PCDHGB2: variants seen among roughly 807,000 people sequenced by gnomAD.
PCDHGB2 encodes protocadherin gamma-B2.
A neutral mutation model predicts 59.3 loss-of-function variants in PCDHGB2; 55 were observed. The ratio of observed to expected loss-of-function variants is 0.93; its 90% CI spans 0.75 to 1.16. PCDHGB2 has a LOEUF of 1.16. Ranked by LOEUF, PCDHGB2 falls within the 50% of genes most tolerant of loss-of-function variation. The pLI, the probability that PCDHGB2 is intolerant of heterozygous loss-of-function variation, is 0.00. For missense variants in PCDHGB2, 1,228 were observed against 1,198.5 expected (o/e 1.02, Z -0.36); for synonymous variants, 516 against 512.0 (o/e 1.01, Z -0.11).
Position 141,360,800 on chromosome 5 carries a change from A to G in PCDHGB2, c.665A>G (p.Gln222Arg). ...GCTGTGGATGGCGGAGACCCACCTC[A>G]AAGTGGCACGACCCAAATCCGAATC... is the stretch of plus-strand genomic sequence containing the variant. ...LTAVDGGDPP[Q>R]SGTTQIRIKV... The change falls in exon 1 of 4, where the codon CAA (glutamine) becomes CGA (arginine). Residue 222 changes from glutamine (Q) to arginine (R), a missense_variant. Gln to Arg is a conservative substitution (Grantham distance 43). Coordinates refer to ENST00000522605, the MANE Select transcript of PCDHGB2 (RefSeq NM_018923.3). The G allele has an allele frequency of 6.2e-7, 1 of 1,613,960 alleles. No homozygotes were observed.
At chr5:141,419,239 C>A in intron 1 of PCDHGB2, 3 of 1,614,008 alleles carry the variant, frequency 1.9e-6, no homozygotes, top group Non-Finnish European at 2.5e-6. Flanking sequence ...ACCTGGTCCA[C>A]GTGCCAGAAA....
chr5:141,394,177 C>T (rs2092934633), intron 1 of PCDHGB2: 1 of 1,613,912 alleles, frequency 6.2e-7, no homozygotes, highest in East Asian at 2.2e-5. Context: ...TTCCCTCATG[C>T]CTCCTACTCA....
At chr5:141,380,342 T>C (rs1288076589) in intron 1 of PCDHGB2, among the ~76,000 whole-genome samples, 1 of 152,198 alleles carries the variant, frequency 6.6e-6, no homozygotes, top group Admixed American at 6.5e-5. Context: ...CAAAGAACTG[T>C]TTTGTTGTTT....
chr5:141,360,838 G>A lies in PCDHGB2; in HGVS notation c.703G>A (p.Ala235Thr), dbSNP rs776801696. 2 of 1,614,002 alleles carry A rather than the reference G, an allele frequency of 1.2e-6. No homozygotes were observed. The highest frequency in any genetic ancestry group is 1.7e-5 in the Admixed American group (1 of 60,028). ...TTQIRIKVTDANDNPPVFSQD... is the reference protein window; with the variant it reads ...TTQIRIKVTDTNDNPPVFSQD... Reference sequence around the variant, plus strand: ...CCAAATCCGAATCAAAGTCACGGATGCCAACGATAACCCTCCAGTGTTCAG... The same window carrying A: ...CCAAATCCGAATCAAAGTCACGGATACCAACGATAACCCTCCAGTGTTCAG... Residue 235 changes from alanine to threonine, a missense_variant, in exon 1 of 4, where the codon GCC becomes ACC. This residue lies in a region of PCDHGB2 where 781 missense variants were observed against 721.6 expected (regional missense o/e 1.08). Transcript: ENST00000522605.
At position 141,431,423 on chromosome 5, in the gene PCDHGB2, C is replaced by T; in HGVS notation, c.2422-63384C>T. The T allele has an allele frequency of 3.1e-6, 5 of 1,613,670 alleles. No individual in the cohort carries two copies. Among genetic ancestry groups the T allele is most frequent in the Non-Finnish European group, 4.2e-6 (5 of 1,180,030 alleles). ...GGCCTCCGACGGGGGCGACCCGGTG[C>T]GCACAGGCACCGCGCGCATCCGCGT... On this transcript the variant is annotated intron_variant, in intron 1 of 3. Coordinates refer to ENST00000522605, the MANE Select transcript of PCDHGB2 (RefSeq NM_018923.3). This position sits in a 1 kb window ranked among gnomAD's most constrained non-coding sequence, Gnocchi z 4.8.
chr5:141,377,014 G>T (rs1457623527), intron 1 of PCDHGB2: 1 of 155,140 alleles, frequency 6.4e-6, no homozygotes, highest in African/African-American at 2.4e-5. Flanking sequence ...TGGTTGACAG[G>T]AAAATTCAAG....
At chr5:141,410,487 A>G in intron 1 of PCDHGB2, 1 of 1,613,970 alleles carries the variant, frequency 6.2e-7, no homozygotes, top group Non-Finnish European at 8.5e-7. Context: ...ACGGGTACAA[A>G]AGAGTTTAAT....
intron 1 of PCDHGB2, chr5:141,408,402 G>A: frequency 1.2e-6 from 2 of 1,614,052 alleles, no homozygotes; most frequent in Non-Finnish European, 1.7e-6. Context: ...CGCAAGCTGC[G>A]AGTGAGCGCG....
chr5:141,486,637 G>T lies in PCDHGB2; in HGVS notation c.2422-8170G>T. On this transcript the variant is annotated intron_variant, in intron 1 of 3. Coordinates refer to ENST00000522605, the MANE Select transcript of PCDHGB2 (RefSeq NM_018923.3). This position sits in a 1 kb window ranked among gnomAD's most constrained non-coding sequence, Gnocchi z 5.0. ...CTGACCCAGACTCTGGCTTGAATGCGCTTATCTCCTACTCACTCCTGGAGC... is the reference window on the plus strand; with the variant it reads ...CTGACCCAGACTCTGGCTTGAATGCTCTTATCTCCTACTCACTCCTGGAGC... 6.2e-7 allele frequency: 1 copy of T among 1,613,638 alleles called. No homozygotes were observed. The highest frequency in any genetic ancestry group is 8.5e-7 in the Non-Finnish European group (1 of 1,180,034).
intron 1 of PCDHGB2, among the ~76,000 whole-genome samples, chr5:141,450,666 T>G (rs1434496607): frequency 6.6e-6 from 1 of 151,890 alleles, no homozygotes; most frequent in African/African-American, 2.4e-5. Context: ...TTTGTACTTT[T>G]AGTAGAAACG....
intron 1 of PCDHGB2, chr5:141,441,126 C>T (rs1319809408): frequency 6.6e-6 from 1 of 152,062 alleles, no homozygotes; most frequent in Non-Finnish European, 1.5e-5. Context: ...CAGTTGAGAC[C>T]GAATTTCTAG....
chr5:141,486,137 G>A lies in PCDHGB2; in HGVS notation c.2422-8670G>A, dbSNP rs1187526031. 1 of 1,614,074 alleles carries A rather than the reference G, an allele frequency of 6.2e-7. No individual in the cohort carries two copies. On this transcript the variant is annotated intron_variant, in intron 1 of 3. Coordinates refer to ENST00000522605, the MANE Select transcript of PCDHGB2 (RefSeq NM_018923.3). The surrounding 1 kb of genome is among the most constrained non-coding windows in gnomAD (Gnocchi z 5.0). ...GAATTACTATGAATTTGATGTGCGGGCTCGCGATGGGGGTTCTCCAGCCAT... is the reference window on the plus strand; with the variant it reads ...GAATTACTATGAATTTGATGTGCGGACTCGCGATGGGGGTTCTCCAGCCAT...
At chr5:141,394,188 G>A (rs772537455) in intron 1 of PCDHGB2, 1 of 1,613,828 alleles carries the variant, frequency 6.2e-7, no homozygotes, top group Non-Finnish European at 8.5e-7. Flanking sequence ...CTCCTACTCA[G>A]CGTATATCCT....
chr5:141,410,602 T>A, intron 1 of PCDHGB2: 4 of 1,607,792 alleles, frequency 2.5e-6, no homozygotes, highest in South Asian at 2.2e-5. Flanking sequence ...TGACTTCACA[T>A]CCTGAGACTC....
chr5:141,430,622 A>T, intron 1 of PCDHGB2: 1 of 752,270 alleles, frequency 1.3e-6, no homozygotes, highest in Admixed American at 2.9e-5. Context: ...GATAGCTAGG[A>T]ATGAACCATC....
At chr5:141,397,627 T>C (rs2093547800) in intron 1 of PCDHGB2, among the ~76,000 whole-genome samples, 1 of 152,224 alleles carries the variant, frequency 6.6e-6, no homozygotes, top group African/African-American at 2.4e-5. Context: ...TAGTTCTAGC[T>C]AAGAGTTCAA....
In PCDHGB2 at chr5:141,386,511, T is replaced by C. The variant is rs558161782; in HGVS notation, c.2421+23955T>C. Among the ~76,000 whole-genome samples the C allele has an allele frequency of 2.0e-4, 3 of 15,264 alleles. No homozygotes were observed. The East Asian group carries it at 5.2e-3, about 27-fold the overall frequency. 10.0% of individuals were successfully genotyped at this position (15,264 alleles called of 152,430 possible). ...GATAATATAACAAGACTCTGTCTCTTCAAAAAAAGACTCTTTTTAGACTAG... is the reference window on the plus strand; with the variant it reads ...GATAATATAACAAGACTCTGTCTCTCCAAAAAAAGACTCTTTTTAGACTAG... On this transcript the variant is annotated intron_variant, in intron 1 of 3. Coordinates refer to ENST00000522605, the MANE Select transcript of PCDHGB2 (RefSeq NM_018923.3).
chr5:141,371,790 C>A, intron 1 of PCDHGB2: 1 of 1,613,956 alleles, frequency 6.2e-7, no homozygotes, highest in Middle Eastern at 1.6e-4. Flanking sequence ...TGAGAACAAT[C>A]CGCCTGGAGC....
intron 1 of PCDHGB2, chr5:141,393,114 CG>C: frequency 6.2e-7 from 1 of 1,613,418 alleles, no homozygotes; most frequent in Non-Finnish European, 8.5e-7. Flanking sequence ...TCAGAGCCCG[CG>C]GTGTCTGATA....
Sources: gnomAD v4.1 joint callset for allele counts (sites outside exome capture counted in the v4.1 genomes callset) on GRCh38, gnomAD v4.1.1 for gene constraint, gnomAD v4.1.1 regional missense constraint, Gnocchi (gnomAD v3.1) non-coding constraint, MANE v1.5 for transcripts, NCBI Gene and HGNC (gene_info 2026-07-23, HGNC 2026-07-21) for gene names.